The following EBF3 variants were observed in gnomAD, a reference collection of about 807,000 sequenced individuals.
EBF3 encodes EBF transcription factor 3, also known as transcription factor COE3.
EBF3 carries 18 observed loss-of-function variants against 77.1 expected under a neutral mutation model. The observed-to-expected ratio is 0.23, with a 90% confidence interval of 0.16 to 0.35. The LOEUF (loss-of-function observed/expected upper bound fraction) is 0.35, where lower values mean the gene tolerates loss of function less well. Among genes scored for constraint, EBF3 ranks in the 10% least tolerant of loss-of-function variants. EBF3 has a pLI of 1.00. For missense variants in EBF3, 558 were observed against 860.0 expected (o/e 0.65, Z 4.39); for synonymous variants, 350 against 343.5 (o/e 1.02, Z -0.21).
chr10:129,886,319 T>C (rs1242364483), intron 6 of EBF3, among the ~76,000 whole-genome samples: 1 of 152,248 alleles, frequency 6.6e-6, no homozygotes, highest in Non-Finnish European at 1.5e-5. Flanking sequence ...GGCGCACAGC[T>C]CTGAGTGGCA....
chr10:129,887,142 C>A (rs1853665058), intron 6 of EBF3, among the ~76,000 whole-genome samples: 1 of 151,232 alleles, frequency 6.6e-6, no homozygotes, highest in Non-Finnish European at 1.5e-5. Flanking sequence ...AGTTGCAGCC[C>A]CACCTGGGAC....
At chr10:129,893,683 C>T (rs1854172951) in intron 6 of EBF3, among the ~76,000 whole-genome samples, 1 of 152,212 alleles carries the variant, frequency 6.6e-6, no homozygotes, top group South Asian at 2.1e-4. Flanking sequence ...GCCTCTCCAG[C>T]TAATCTGCAA....
intron 6 of EBF3, among the ~76,000 whole-genome samples, chr10:129,946,638 G>A (rs148041514): frequency 3.4e-4 from 52 of 152,262 alleles, no homozygotes; most frequent in East Asian, 2.3e-3. Context: ...TGTTGTTGGC[G>A]TGCCACACTG....
At chr10:129,927,250 C>T (rs1350542553) in intron 6 of EBF3, among the ~76,000 whole-genome samples, 4 of 152,180 alleles carry the variant, frequency 2.6e-5, no homozygotes, top group African/African-American at 4.8e-5. Context: ...ACCAGCATGA[C>T]GTGGGCTTGG....
In EBF3 at chr10:129,870,461, T is replaced by C. The variant is rs981393572; in HGVS notation, c.782-2549A>G. On this transcript the variant is annotated intron_variant, in intron 8 of 16. Coordinates refer to ENST00000440978, the MANE Select transcript of EBF3 (RefSeq NM_001375380.1). This position sits in a 1 kb window ranked among gnomAD's most constrained non-coding sequence, Gnocchi z 4.4. Reference sequence around the variant, plus strand: ...GATGGGAGGCATCCCTGAAGACAGATCCTGGTCTGCAGCTTTCAGCGTGGC... The same window carrying C: ...GATGGGAGGCATCCCTGAAGACAGACCCTGGTCTGCAGCTTTCAGCGTGGC... Among the ~76,000 whole-genome samples the C allele has an allele frequency of 6.6e-6, 1 of 151,928 alleles. No homozygotes were observed.
chr10:129,839,467 T>C (rs1849849177), intron 15 of EBF3, among the ~76,000 whole-genome samples: 1 of 152,206 alleles, frequency 6.6e-6, no homozygotes, highest in Admixed American at 6.5e-5. Flanking sequence ...GGCCAGGCGC[T>C]GGGCAGGCAC....
At chr10:129,962,394 A>AT (rs141360240) in intron 3 of EBF3, among the ~76,000 whole-genome samples, 168 bp from the exon 4 acceptor site, 4,857 of 150,608 alleles carry the variant, frequency 0.032, 126 homozygotes, top group Non-Finnish European at 0.045. Flanking sequence ...TTCTCGCTTA[A>AT]TTTTTTTTTT....
At chr10:129,869,834 T>G (rs1389866833) in intron 8 of EBF3, among the ~76,000 whole-genome samples, 1 of 152,200 alleles carries the variant, frequency 6.6e-6, no homozygotes, top group East Asian at 1.9e-4. Flanking sequence ...TTCATGCTAA[T>G]AAGTTCATAC....
Position 129,961,881 on chromosome 10 carries a change from G to A in EBF3, c.411+290C>T, listed in dbSNP as rs535426772. On this transcript the variant is annotated intron_variant, in intron 4 of 16. Coordinates refer to ENST00000440978, the MANE Select transcript of EBF3 (RefSeq NM_001375380.1). ...GCATTTAAAAATAAACAAGAGGGGG[G>A]ACATCTTGAAATTTTTGTCAAATAT... is the stretch of plus-strand genomic sequence containing the variant. 1.6e-4 allele frequency among the ~76,000 whole-genome samples: 25 copies of A among 152,236 alleles called. No individual in the cohort carries two copies. In the East Asian group the frequency reaches 4.0e-3, roughly 25 times the overall value.
At chr10:129,919,769 T>A (rs1051792293) in intron 6 of EBF3, among the ~76,000 whole-genome samples, 5 of 152,162 alleles carry the variant, frequency 3.3e-5, no homozygotes, top group African/African-American at 1.2e-4. Flanking sequence ...TCACTATATG[T>A]AAACCAAGAG....
chr10:129,957,157 G>C (rs918441269), intron 6 of EBF3, 101 bp downstream of exon 6: 3 of 1,061,842 alleles, frequency 2.8e-6, no homozygotes, highest in Non-Finnish European at 2.8e-6. Context: ...AGATGGGCTC[G>C]ACACCAGCCT....
chr10:129,844,563 T>G (rs1202964034), intron 11 of EBF3, among the ~76,000 whole-genome samples: 2 of 152,156 alleles, frequency 1.3e-5, no homozygotes, highest in Non-Finnish European at 2.9e-5. Context: ...GCCTCATTGT[T>G]TCCCCATCTC....
At chr10:129,860,221 G>T (rs145667081) in intron 10 of EBF3, among the ~76,000 whole-genome samples, 1 of 151,920 alleles carries the variant, frequency 6.6e-6, no homozygotes, top group Non-Finnish European at 1.5e-5. Flanking sequence ...TCAAAAGTCC[G>T]GAGTGTGATC....
chr10:129,915,889 G>C (rs1052167199), intron 6 of EBF3, among the ~76,000 whole-genome samples: 1 of 152,228 alleles, frequency 6.6e-6, no homozygotes, highest in Non-Finnish European at 1.5e-5. Context: ...GGGTGGCAGG[G>C]AGAGATGGCC....
At chr10:129,843,370 G>C (rs1313324624) in intron 11 of EBF3, 168 bp from the exon 12 acceptor site, 3 of 615,832 alleles carry the variant, frequency 4.9e-6, no homozygotes, top group Non-Finnish European at 5.7e-6. Flanking sequence ...AGGCACGTGC[G>C]TGCTGACAAC....
chr10:129,896,360 T>C (rs1854373966), intron 6 of EBF3, among the ~76,000 whole-genome samples: 1 of 152,204 alleles, frequency 6.6e-6, no homozygotes, highest in Admixed American at 6.5e-5. Context: ...TGAATGCACA[T>C]TAAAAGAGGG....
At position 129,963,351 on chromosome 10, in the gene EBF3, G is replaced by C. The variant is rs781385109; in HGVS notation, c.291+16C>G. 7.6e-6 allele frequency: 12 copies of C among 1,573,986 alleles called. No homozygotes were observed. Among genetic ancestry groups the C allele is most frequent in the South Asian group, 1.1e-5 (1 of 87,130 alleles). On this transcript the variant is annotated intron_variant, in intron 2 of 16. Transcript: ENST00000440978. The surrounding 1 kb of genome is among the most constrained non-coding windows in gnomAD (Gnocchi z 7.1). ...TTCTAGAAAGAGAGAGGGTGTGATC[G>C]TGTGTTTGCACTTACTTTCTCTTTC...
At chr10:129,958,002 TAAAG>T (rs1211418911) in intron 5 of EBF3, among the ~76,000 whole-genome samples, 1 of 152,254 alleles carries the variant, frequency 6.6e-6, no homozygotes, top group Non-Finnish European at 1.5e-5. Flanking sequence ...CTAAAGTGAT[TAAAG>T]AAAGTCTACA....
chr10:129,954,418 C>CG (rs1564923040), intron 6 of EBF3, among the ~76,000 whole-genome samples: 1 of 148,246 alleles, frequency 6.7e-6, no homozygotes, highest in Non-Finnish European at 1.5e-5. Context: ...CACTTCCCCC[C>CG]CCCCTTTTTT....
Sources: allele counts gnomAD v4.1 joint callset (sites outside exome capture counted in the v4.1 genomes callset), GRCh38; gene constraint gnomAD v4.1.1; non-coding constraint Gnocchi (gnomAD v3.1); transcripts MANE v1.5; gene names NCBI Gene and HGNC (gene_info 2026-07-23, HGNC 2026-07-21).